The following CBLB variants were observed in gnomAD, a reference collection of about 807,000 sequenced individuals.
CBLB encodes E3 ubiquitin-protein ligase CBL-B.
In CBLB, 31 loss-of-function variants were observed where a neutral mutation model predicts 104.9. The ratio of observed to expected loss-of-function variants is 0.30; its 90% CI spans 0.22 to 0.40. The LOEUF (loss-of-function observed/expected upper bound fraction) is 0.40, where lower values mean the gene tolerates loss of function less well. Among genes scored for constraint, CBLB ranks in the 10% least tolerant of loss-of-function variants. CBLB has a pLI of 1.00. For synonymous variants in CBLB, 440 were observed against 422.6 expected, an observed-to-expected ratio of 1.04 and a Z score of -0.51; for missense variants, 1,062 against 1,214.6, an observed-to-expected ratio of 0.87 and a Z score of 1.87.
At chr3:105,817,447 A>G (rs1467553343) in intron 3 of CBLB, among the ~76,000 whole-genome samples, 1 of 152,156 alleles carries the variant, frequency 6.6e-6, no homozygotes, top group Non-Finnish European at 1.5e-5. Flanking sequence ...GAGGACACTA[A>G]AAGAAGCAGC....
intron 3 of CBLB, among the ~76,000 whole-genome samples, chr3:105,811,859 G>A (rs544848387): frequency 3.5e-4 from 53 of 152,074 alleles, no homozygotes; most frequent in Admixed American, 1.2e-3. Flanking sequence ...ACAGGCGCCT[G>A]CCACTGGCTA....
chr3:105,760,551 A>C (rs2077518434), intron 4 of CBLB, among the ~76,000 whole-genome samples: 1 of 152,128 alleles, frequency 6.6e-6, no homozygotes, highest in African/African-American at 2.4e-5. Context: ...AGAAAGTGCT[A>C]CCAAAGAGAG....
At chr3:105,661,191 A>AAT (rs1043424676) in intron 18 of CBLB, among the ~76,000 whole-genome samples, 3 of 152,168 alleles carry the variant, frequency 2.0e-5, no homozygotes, top group African/African-American at 7.2e-5. Flanking sequence ...ATGTATATTA[A>AAT]AGTATGCCCA....
chr3:105,681,607 T>A lies in CBLB; in HGVS notation c.2300A>T (p.Asp767Val). The change falls in exon 16 of 19, where the codon GAT becomes GTT. Residue 767 changes from aspartate (D) to valine (V), a missense_variant. Around this residue, in one of 2 missense-constraint regions of CBLB, gnomAD observed 605 missense variants for 582.6 expected, o/e 1.04. Coordinates refer to ENST00000394030, the MANE Select transcript of CBLB (RefSeq NM_170662.5). ...IPDLSIYLKGDVFDSASDPVP... is the reference protein window; with the variant it reads ...IPDLSIYLKGVVFDSASDPVP... ...GGGATCAGAGGCTGAATCAAAAACA[T>A]CTCCTAGAGGATAACACAAAACCTT... 1 of 1,614,114 alleles carries A rather than the reference T, an allele frequency of 6.2e-7. No individual in the cohort carries two copies. Among genetic ancestry groups the A allele is most frequent in the Non-Finnish European group, 8.5e-7 (1 of 1,179,998 alleles).
intron 3 of CBLB, among the ~76,000 whole-genome samples, chr3:105,817,900 TTAAG>T (rs2085290703): frequency 6.6e-6 from 1 of 152,228 alleles, no homozygotes; most frequent in African/African-American, 2.4e-5. Context: ...ATTTGCATTA[TTAAG>T]TTTTATGTCT....
intron 10 of CBLB, among the ~76,000 whole-genome samples, chr3:105,707,138 G>C (rs890603997): frequency 1.3e-5 from 2 of 152,174 alleles, no homozygotes; most frequent in Non-Finnish European, 2.9e-5. Flanking sequence ...CCTCAGAACA[G>C]ACATCCAAAC....
chr3:105,869,424 C>A (rs1164017698), upstream of CBLB: 3 of 1,328,150 alleles, frequency 2.3e-6, no homozygotes, highest in Non-Finnish European at 2.0e-6. Flanking sequence ...GCTTCGCTTA[C>A]CTTCCTAGTC....
At chr3:105,859,572 G>A (rs544881903) in intron 2 of CBLB, among the ~76,000 whole-genome samples, 1 of 151,332 alleles carries the variant, frequency 6.6e-6, no homozygotes, top group East Asian at 2.0e-4. Context: ...GGAGAATGGC[G>A]TGAACCCAGG....
chr3:105,805,910 A>G (rs2083437745), intron 3 of CBLB, among the ~76,000 whole-genome samples: 1 of 139,286 alleles, frequency 7.2e-6, no homozygotes, highest in Admixed American at 7.8e-5. Flanking sequence ...AAAGAATGAA[A>G]GAGAGGGAGG....
intron 3 of CBLB, among the ~76,000 whole-genome samples, chr3:105,803,916 G>C (rs1170923182): frequency 6.6e-6 from 1 of 152,116 alleles, no homozygotes; most frequent in African/African-American, 2.4e-5. Flanking sequence ...TCAATTACAG[G>C]AGTGATTTTT....
At position 105,737,242 on chromosome 3, in the gene CBLB, C is replaced by A; in HGVS notation, c.1000G>T (p.Gly334Trp). ...SREGFYLYPD[G>W]RSYNPDLTGL... ...GTTAAATCAGGATTATAACTCCTCC[C>A]ATCAGGATAAAGATAACTGAATTTA... is the stretch of plus-strand genomic sequence containing the variant. Residue 334 changes from glycine to tryptophan, a missense_variant, in exon 8 of 19, where the codon GGG (glycine) becomes TGG (tryptophan). Gly to Trp is a radical substitution (Grantham distance 184, BLOSUM62 -2). Coordinates refer to ENST00000394030, the MANE Select transcript of CBLB (RefSeq NM_170662.5). The A allele has an allele frequency of 6.4e-7, 1 of 1,565,884 alleles. No homozygotes were observed. Among genetic ancestry groups the A allele is most frequent in the Non-Finnish European group, 8.8e-7 (1 of 1,139,358 alleles).
intron 2 of CBLB, among the ~76,000 whole-genome samples, chr3:105,859,235 T>C (rs1413975011): frequency 1.3e-5 from 2 of 152,166 alleles, no homozygotes; most frequent in Admixed American, 6.5e-5. Context: ...ATTTCAACAG[T>C]AAGGAATTGT....
At chr3:105,855,390 G>C (rs1422062974) in intron 2 of CBLB, among the ~76,000 whole-genome samples, 1 of 152,182 alleles carries the variant, frequency 6.6e-6, no homozygotes, top group Non-Finnish European at 1.5e-5. Flanking sequence ...AATTTGCTAA[G>C]AGAACAGAGT....
intron 3 of CBLB, among the ~76,000 whole-genome samples, chr3:105,839,970 A>T (rs1321096853): frequency 6.6e-6 from 1 of 152,220 alleles, no homozygotes. Flanking sequence ...AACCTATTTT[A>T]ATCAGGTAAA....
chr3:105,707,782 A>G (rs1315758514), intron 10 of CBLB, among the ~76,000 whole-genome samples: 2 of 152,128 alleles, frequency 1.3e-5, no homozygotes, highest in Admixed American at 6.6e-5. Flanking sequence ...TGGATGAGAT[A>G]TTAAAAATTC....
At chr3:105,839,606 G>A (rs982439479) in intron 3 of CBLB, 4 of 152,246 alleles carry the variant, frequency 2.6e-5, no homozygotes, top group African/African-American at 9.6e-5. Context: ...TAAAGGCCCA[G>A]AGAGTAAAAG....
intron 3 of CBLB, among the ~76,000 whole-genome samples, chr3:105,816,317 A>G (rs1417451841): frequency 1.3e-5 from 2 of 152,216 alleles, no homozygotes; most frequent in Non-Finnish European, 2.9e-5. Context: ...TTAAAAAACG[A>G]ACAAATTGGC....
chr3:105,793,063 G>A (rs1311566785), intron 3 of CBLB, among the ~76,000 whole-genome samples: 1 of 152,082 alleles, frequency 6.6e-6, no homozygotes, highest in South Asian at 2.1e-4. Flanking sequence ...GCTTCCACCA[G>A]CATAAATATC....
intron 11 of CBLB, among the ~76,000 whole-genome samples, chr3:105,703,186 A>C (rs1219141689): frequency 6.6e-6 from 1 of 152,140 alleles, no homozygotes; most frequent in African/African-American, 2.4e-5. Flanking sequence ...TTGATTTGTA[A>C]TTTTAATGTT....
Sources: allele counts gnomAD v4.1 joint callset (sites outside exome capture counted in the v4.1 genomes callset), GRCh38; gene constraint gnomAD v4.1.1; regional missense constraint gnomAD v4.1.1; transcripts MANE v1.5; gene names NCBI Gene and HGNC (gene_info 2026-07-23, HGNC 2026-07-21).